STPG2: variants seen among roughly 807,000 people sequenced by gnomAD.
STPG2 encodes sperm tail PG-rich repeat containing 2.
STPG2 carries 56 observed loss-of-function variants against 54.2 expected under a neutral mutation model. That is an observed-to-expected ratio of 1.03 (90% confidence interval 0.83 to 1.29). The LOEUF is 1.29. Among genes scored for constraint, STPG2 ranks in the 50% most tolerant of loss-of-function variants. The pLI is 0.00. For synonymous variants in STPG2, 200 were observed against 181.8 expected (o/e 1.10, Z -0.81); for missense variants, 596 against 544.9 (o/e 1.09, Z -0.93).
intron 10 of STPG2, among the ~76,000 whole-genome samples, chr4:97,568,074 A>C (rs938536638): frequency 1.4e-4 from 21 of 152,190 alleles, no homozygotes; most frequent in African/African-American, 5.1e-4. Flanking sequence ...GTGACAAATG[A>C]ACCAACTTTC....
At chr4:97,827,919 T>C (rs1200998422) in intron 9 of STPG2, among the ~76,000 whole-genome samples, 2 of 152,118 alleles carry the variant, frequency 1.3e-5, no homozygotes, top group African/African-American at 4.8e-5. Context: ...CAAGTTATCC[T>C]GGGACCTCAA....
intron 8 of STPG2, among the ~76,000 whole-genome samples, chr4:97,885,446 T>C (rs910101573): frequency 2.0e-5 from 3 of 152,078 alleles, no homozygotes; most frequent in Non-Finnish European, 2.9e-5. Flanking sequence ...AAAGAGAAAA[T>C]AGAATTGTGA....
intron 8 of STPG2, among the ~76,000 whole-genome samples, chr4:97,900,166 G>GA (rs909480818): frequency 2.6e-5 from 4 of 152,016 alleles, no homozygotes; most frequent in African/African-American, 4.8e-5. Flanking sequence ...AGCATTTGGG[G>GA]AAAAAATGCT....
At chr4:97,443,222 G>A (rs535436749) in intron 4 of STPG2, among the ~76,000 whole-genome samples, 1 of 152,168 alleles carries the variant, frequency 6.6e-6, no homozygotes, top group Admixed American at 6.6e-5. Context: ...ATAGCACAAG[G>A]CCAAAAGACC....
chr4:97,958,329 GA>G (rs1285681223), intron 7 of STPG2, among the ~76,000 whole-genome samples: 2 of 151,348 alleles, frequency 1.3e-5, no homozygotes, highest in Admixed American at 6.6e-5. Context: ...GAAAAGTAAA[GA>G]AAAAAACCAA....
intron 5 of STPG2, among the ~76,000 whole-genome samples, chr4:98,100,679 TTTTTTTTTG>T (rs1739002934): frequency 6.9e-6 from 1 of 143,952 alleles, no homozygotes; most frequent in East Asian, 2.0e-4. Context: ...TTTTTTTTTT[TTTTTTTTTG>T]TTTTTGAGAC....
intron 10 of STPG2, among the ~76,000 whole-genome samples, chr4:97,692,115 A>C (rs1004948895): frequency 5.3e-5 from 8 of 152,148 alleles, no homozygotes; most frequent in African/African-American, 1.9e-4. Flanking sequence ...GTAATATGAC[A>C]AAACAAGGTT....
intron 7 of STPG2, among the ~76,000 whole-genome samples, chr4:97,948,450 C>T (rs1046071442): frequency 6.6e-6 from 1 of 151,836 alleles, no homozygotes. Context: ...TACTTCTTTT[C>T]TTCTAGATTT....
At chr4:98,054,173 T>C (rs1457779865) in intron 5 of STPG2, among the ~76,000 whole-genome samples, 2 of 152,154 alleles carry the variant, frequency 1.3e-5, no homozygotes, top group Non-Finnish European at 2.9e-5. Flanking sequence ...TTTTTCACCA[T>C]CACTTTATGA....
At chr4:97,504,266 G>A (rs1730800152) in intron 4 of STPG2, among the ~76,000 whole-genome samples, 1 of 148,726 alleles carries the variant, frequency 6.7e-6, no homozygotes, top group Non-Finnish European at 1.5e-5. Flanking sequence ...TCCTTAAAAT[G>A]TATCATAGAA....
intron 5 of STPG2, among the ~76,000 whole-genome samples, chr4:98,084,345 C>G (rs763759173): frequency 1.3e-4 from 20 of 152,114 alleles, no homozygotes; most frequent in Non-Finnish European, 2.5e-4. Context: ...TTATGTTTAT[C>G]CATTCCCCTA....
Position 97,761,791 on chromosome 4 carries a change from T to C in STPG2, c.1205-48977A>G, listed in dbSNP as rs530657961. On this transcript the variant is annotated intron_variant, in intron 9 of 10. Transcript: ENST00000295268. The stretch of plus-strand genomic sequence containing the variant: ...ATGATGATCTTTTTTCCTTTTAATT[T>C]ACATACTGTCCTGAGGCTTTTATCT... Among the ~76,000 whole-genome samples, 32 of 152,336 alleles carry C rather than the reference T, an allele frequency of 2.1e-4. 2 individuals are homozygous for C. The highest frequency in any genetic ancestry group is 3.4e-3 in the Middle Eastern group (1 of 294).
At position 98,092,492 on chromosome 4, in the gene STPG2, T is replaced by C. The variant is rs556330291; in HGVS notation, c.612+13461A>G. Among the ~76,000 whole-genome samples, 23 of 152,058 alleles carry C rather than the reference T, an allele frequency of 1.5e-4. No homozygotes were observed. In the East Asian group the frequency reaches 4.3e-3, roughly 28 times the overall value. ...CCAAGTAACCAGATAATTTAATAAA[T>C]ATTAAAGACTAACAATGATAAGGAA... On this transcript the variant is annotated intron_variant, in intron 5 of 10. Coordinates refer to ENST00000295268, the MANE Select transcript of STPG2 (RefSeq NM_174952.3).
At chr4:97,801,983 C>T (rs1727415547) in intron 9 of STPG2, among the ~76,000 whole-genome samples, 1 of 152,186 alleles carries the variant, frequency 6.6e-6, no homozygotes, top group Admixed American at 6.5e-5. Context: ...ATTAGAATCA[C>T]CAGGAGGACT....
At chr4:97,624,261 G>A (rs537207299) in intron 10 of STPG2, among the ~76,000 whole-genome samples, 5 of 152,280 alleles carry the variant, frequency 3.3e-5, no homozygotes, top group African/African-American at 4.8e-5. Flanking sequence ...CACCCACAAT[G>A]TGAAAGCATT....
intron 8 of STPG2, among the ~76,000 whole-genome samples, chr4:97,910,990 C>A (rs2149199439): frequency 6.6e-6 from 1 of 152,194 alleles, no homozygotes; most frequent in Admixed American, 6.5e-5. Context: ...ATCGGCGTGA[C>A]CCATGTAGAG....
intron 8 of STPG2, among the ~76,000 whole-genome samples, chr4:97,937,988 A>G (rs1257817307): frequency 1.3e-5 from 2 of 152,180 alleles, no homozygotes; most frequent in Non-Finnish European, 2.9e-5. Flanking sequence ...AGCAGGAAGG[A>G]AGACGTAGTC....
At chr4:97,887,882 C>T (rs898873067) in intron 8 of STPG2, among the ~76,000 whole-genome samples, 2 of 152,190 alleles carry the variant, frequency 1.3e-5, no homozygotes, top group African/African-American at 4.8e-5. Context: ...CTGCCCTGTG[C>T]AGCCTTGGGA....
intron 8 of STPG2, among the ~76,000 whole-genome samples, chr4:97,938,191 C>T (rs753972207): frequency 3.7e-4 from 57 of 152,148 alleles, no homozygotes; most frequent in Admixed American, 2.0e-3. Context: ...TGGTATGCTG[C>T]GCTGTGGGGA....
Sources: allele counts gnomAD v4.1 joint callset (sites outside exome capture counted in the v4.1 genomes callset), GRCh38; gene constraint gnomAD v4.1.1; transcripts MANE v1.5; gene names NCBI Gene and HGNC (gene_info 2026-07-23, HGNC 2026-07-21).